MYO1D: variants seen among roughly 807,000 people sequenced by gnomAD.
MYO1D encodes unconventional myosin-Id.
In MYO1D, 83 loss-of-function variants were observed where a neutral mutation model predicts 122.0. The ratio of observed to expected loss-of-function variants is 0.68; its 90% CI spans 0.57 to 0.82. MYO1D has a LOEUF of 0.82. Ranked by LOEUF, MYO1D falls within the 40% of genes least tolerant of loss-of-function variation. The probability of loss-of-function intolerance (pLI) is 0.00; values close to 1 mark genes in which losing one functional copy is unlikely to be tolerated. For missense variants in MYO1D, 1,157 were observed against 1,269.5 expected (o/e 0.91, Z 1.35); for synonymous variants, 464 against 446.9 (o/e 1.04, Z -0.48).
chr17:32,847,005 G>A (rs1297482184), intron 1 of MYO1D, among the ~76,000 whole-genome samples: 1 of 151,884 alleles, frequency 6.6e-6, no homozygotes, highest in East Asian at 1.9e-4. Flanking sequence ...AAACAAATAA[G>A]TAAATAAGAC....
At chr17:32,862,195 G>A (rs998654502) in intron 1 of MYO1D, among the ~76,000 whole-genome samples, 4 of 152,164 alleles carry the variant, frequency 2.6e-5, no homozygotes, top group African/African-American at 4.8e-5. Context: ...ACTTGGACAC[G>A]TCATTTCCAT....
intron 16 of MYO1D, among the ~76,000 whole-genome samples, chr17:32,678,580 G>A (rs575886620): frequency 2.2e-4 from 34 of 151,250 alleles, no homozygotes; most frequent in African/African-American, 3.2e-4. Flanking sequence ...CCTACAAAGG[G>A]CATGAACTCA....
chr17:32,743,727 C>T (rs909681236), intron 13 of MYO1D, among the ~76,000 whole-genome samples: 28 of 152,130 alleles, frequency 1.8e-4, no homozygotes, highest in Middle Eastern at 3.4e-3. Flanking sequence ...ATGCCATTCT[C>T]CTGCCTCAGC....
intron 16 of MYO1D, among the ~76,000 whole-genome samples, chr17:32,704,818 A>G (rs80142783): frequency 0.022 from 3,301 of 152,314 alleles, 112 homozygotes; most frequent in African/African-American, 0.075. Flanking sequence ...TATTACAAAT[A>G]TGCAATAAAT....
chr17:32,677,576 GATAAATATATAT>G (rs1368712605), intron 16 of MYO1D, among the ~76,000 whole-genome samples: 2 of 98,940 alleles, frequency 2.0e-5, no homozygotes, highest in Non-Finnish European at 3.9e-5. Context: ...TATATAGATA[GATAAATATATAT>G]ATATATATAT....
intron 1 of MYO1D, among the ~76,000 whole-genome samples, chr17:32,811,526 A>C (rs528202820): frequency 6.7e-6 from 1 of 149,700 alleles, no homozygotes; most frequent in African/African-American, 2.5e-5. Context: ...CTTCATTTTT[A>C]TATCTTTTAC....
At chr17:32,649,635 G>A (rs113070107) in intron 19 of MYO1D, among the ~76,000 whole-genome samples, 6,246 of 137,828 alleles carry the variant, frequency 0.045, 165 homozygotes, top group Middle Eastern at 0.11. Context: ...GCAGTAGTGC[G>A]ATCTCAGCTC....
intron 13 of MYO1D, among the ~76,000 whole-genome samples, chr17:32,740,269 T>G (rs912323135): frequency 1.3e-5 from 2 of 152,196 alleles, no homozygotes; most frequent in Non-Finnish European, 2.9e-5. Context: ...TAGTCACTGG[T>G]GTTTGGTCTA....
intron 14 of MYO1D, among the ~76,000 whole-genome samples, chr17:32,735,457 ACAGGTATAAG>A (rs1274441009): frequency 7.2e-5 from 11 of 152,344 alleles, no homozygotes; most frequent in Admixed American, 6.5e-4. Flanking sequence ...TGCTGGGATT[ACAGGTATAAG>A]CCGCCATGTC....
chr17:32,817,177 C>A (rs1289054289), intron 1 of MYO1D, among the ~76,000 whole-genome samples: 1 of 152,188 alleles, frequency 6.6e-6, no homozygotes, highest in Non-Finnish European at 1.5e-5. Context: ...GATTCTCCCA[C>A]CTCGGCCTCT....
chr17:32,876,505 C>G (rs1567682573), intron 1 of MYO1D, among the ~76,000 whole-genome samples: 1 of 152,176 alleles, frequency 6.6e-6, no homozygotes, highest in African/African-American at 2.4e-5. Context: ...TGCACCTAAA[C>G]CCCGGACAGC....
At chr17:32,810,997 T>C (rs1006939009) in intron 1 of MYO1D, among the ~76,000 whole-genome samples, 2 of 152,192 alleles carry the variant, frequency 1.3e-5, no homozygotes, top group East Asian at 1.9e-4. Flanking sequence ...AGACAGCAAT[T>C]GTAGCAACGG....
At chr17:32,802,679 T>C (rs1598110897) in intron 1 of MYO1D, among the ~76,000 whole-genome samples, 2 of 152,332 alleles carry the variant, frequency 1.3e-5, no homozygotes, top group Middle Eastern at 6.8e-3. Flanking sequence ...GAATGCCCAA[T>C]TGTTAATGTT....
At chr17:32,787,931 C>G (rs1422963634) in intron 1 of MYO1D, among the ~76,000 whole-genome samples, 2 of 152,184 alleles carry the variant, frequency 1.3e-5, no homozygotes. Flanking sequence ...TTATTTTGTT[C>G]CTTTTTATGG....
chr17:32,852,786 A>T (rs1001899242), intron 1 of MYO1D, among the ~76,000 whole-genome samples: 11 of 152,348 alleles, frequency 7.2e-5, no homozygotes, highest in Admixed American at 5.9e-4. Context: ...TAGATAAAAA[A>T]AGAAACAATT....
chr17:32,613,262 T>C (rs938543957), intron 20 of MYO1D, among the ~76,000 whole-genome samples: 1 of 152,100 alleles, frequency 6.6e-6, no homozygotes. Context: ...CTCTACAATA[T>C]GGAAAAAGAG....
chr17:32,516,623 T>C (rs529141872), intron 21 of MYO1D, among the ~76,000 whole-genome samples: 34 of 152,370 alleles, frequency 2.2e-4, no homozygotes, highest in Admixed American at 1.4e-3. Flanking sequence ...TGTCTCCACA[T>C]GGCTTCTTGC....
intron 21 of MYO1D, among the ~76,000 whole-genome samples, chr17:32,603,682 A>C (rs2087590388): frequency 1.3e-5 from 2 of 151,634 alleles, no homozygotes; most frequent in African/African-American, 4.8e-5. Context: ...CCCGCCACCA[A>C]GCCCAGCTAA....
intron 21 of MYO1D, among the ~76,000 whole-genome samples, chr17:32,499,854 T>C (rs1024156226): frequency 1.3e-5 from 2 of 151,646 alleles, no homozygotes; most frequent in Non-Finnish European, 2.9e-5. Flanking sequence ...TCCTAGCTAC[T>C]TGGGAGACTG....
Sources: allele counts gnomAD v4.1 joint callset (sites outside exome capture counted in the v4.1 genomes callset), GRCh38; gene constraint gnomAD v4.1.1; transcripts MANE v1.5; gene names NCBI Gene and HGNC (gene_info 2026-07-23, HGNC 2026-07-21).